RARB: variants seen among roughly 807,000 people sequenced by gnomAD.
RARB encodes the protein retinoic acid receptor beta, also known as HBV-activated protein.
A neutral mutation model predicts 51.9 loss-of-function variants in RARB; 17 were observed. The observed-to-expected ratio is 0.33, with a 90% CI of 0.22 to 0.49. The LOEUF (loss-of-function observed/expected upper bound fraction) is 0.49. Ranked by LOEUF, RARB falls within the 20% of genes least tolerant of loss-of-function variation. The pLI, the probability that RARB is intolerant of heterozygous loss-of-function variation, is 0.99. For missense variants in RARB, 369 were observed against 550.8 expected (o/e 0.67, Z 3.30); for synonymous variants, 215 against 195.4 (o/e 1.10, Z -0.84).
chr3:25,232,201 T>A (rs1702194506), intron 5 of RARB, among the ~76,000 whole-genome samples: 1 of 152,172 alleles, frequency 6.6e-6, no homozygotes, highest in South Asian at 2.1e-4. Flanking sequence ...TATGTGTTTA[T>A]CCTTTTACCA....
At chr3:25,010,386 A>G (rs1697368853) in intron 2 of RARB, among the ~76,000 whole-genome samples, 1 of 152,182 alleles carries the variant, frequency 6.6e-6, no homozygotes. Context: ...CATGCACAAA[A>G]TTGAAAAAAC....
At chr3:25,014,046 C>T (rs576228569) in intron 2 of RARB, among the ~76,000 whole-genome samples, 2 of 152,196 alleles carry the variant, frequency 1.3e-5, no homozygotes, top group East Asian at 1.9e-4. Flanking sequence ...ACTCATGTGA[C>T]AAGATGAGAG....
At chr3:25,449,238 G>A (rs1435487932) in intron 1 of RARB, among the ~76,000 whole-genome samples, 1 of 152,000 alleles carries the variant, frequency 6.6e-6, no homozygotes, top group African/African-American at 2.4e-5. Context: ...CTTGGTCTTA[G>A]CTGCTGCCAT....
chr3:25,392,477 T>G (rs1393714348), intron 5 of RARB, among the ~76,000 whole-genome samples: 2 of 152,124 alleles, frequency 1.3e-5, no homozygotes, highest in Admixed American at 6.6e-5. Context: ...AGATTGCTTT[T>G]GGCAGTATGG....
intron 5 of RARB, among the ~76,000 whole-genome samples, chr3:25,274,717 T>G (rs1269112628): frequency 4.6e-5 from 7 of 152,190 alleles, no homozygotes; most frequent in African/African-American, 1.7e-4. Flanking sequence ...TTGACTTTCT[T>G]CCGCATGTCC....
intron 2 of RARB, among the ~76,000 whole-genome samples, chr3:24,904,105 T>A (rs985510286): frequency 1.3e-5 from 2 of 152,296 alleles, no homozygotes; most frequent in African/African-American, 4.8e-5. Context: ...AAGAACAAAA[T>A]TGTCATATTC....
At chr3:25,566,836 T>G (rs1700513838) in intron 3 of RARB, among the ~76,000 whole-genome samples, 1 of 152,172 alleles carries the variant, frequency 6.6e-6, no homozygotes, top group Non-Finnish European at 1.5e-5. Flanking sequence ...TTTTGTGGTT[T>G]CTCTTTCTGC....
chr3:24,993,296 G>A (rs1696952976), intron 2 of RARB, among the ~76,000 whole-genome samples: 1 of 152,056 alleles, frequency 6.6e-6, no homozygotes, highest in Admixed American at 6.6e-5. Flanking sequence ...TATCATGCCA[G>A]AAGCATAGTT....
At chr3:24,940,685 T>C (rs963217472) in intron 2 of RARB, among the ~76,000 whole-genome samples, 1 of 152,090 alleles carries the variant, frequency 6.6e-6, no homozygotes, top group Non-Finnish European at 1.5e-5. Flanking sequence ...ACTTAGCACA[T>C]GCGGAGGGAA....
At chr3:24,912,195 G>A (rs1031299352) in intron 2 of RARB, among the ~76,000 whole-genome samples, 2 of 152,072 alleles carry the variant, frequency 1.3e-5, no homozygotes, top group Non-Finnish European at 2.9e-5. Flanking sequence ...GGGGAAATGT[G>A]GCTCCATGAT....
chr3:25,037,306 A>C (rs928940036), intron 2 of RARB, among the ~76,000 whole-genome samples: 3 of 151,880 alleles, frequency 2.0e-5, no homozygotes, highest in Non-Finnish European at 4.4e-5. Context: ...GTTTCAAAGA[A>C]GTTTTAGTCG....
chr3:25,582,259 A>T (rs1247500012), intron 5 of RARB, among the ~76,000 whole-genome samples: 2 of 152,192 alleles, frequency 1.3e-5, no homozygotes, highest in African/African-American at 4.8e-5. Flanking sequence ...TTAAAATGTA[A>T]CACTCAGTAG....
At position 25,501,191 on chromosome 3, in the gene RARB, C is replaced by G; in HGVS notation, c.316C>G (p.Arg106Gly). 6.4e-7 allele frequency: 1 copy of G among 1,570,516 alleles called. No individual in the cohort carries two copies. The highest frequency in any genetic ancestry group is 8.6e-7 in the Non-Finnish European group (1 of 1,165,384). ...TCTTGCTTGCTTGCAGGGCTTTTTC[C>G]GCAGAAGTATTCAGAAGAATATGAT... Reference protein sequence around the residue: ...SACEGCKGFFRRSIQKNMIYT... With the variant: ...SACEGCKGFFGRSIQKNMIYT... The change falls in exon 3 of 8, where the codon CGC becomes GGC. Residue 106 changes from arginine (R) to glycine (G), a missense_variant. Physicochemically the swap from Arg to Gly is moderately radical, Grantham distance 125. Transcript: ENST00000330688.
At chr3:25,312,993 G>T (rs898416144) in intron 5 of RARB, among the ~76,000 whole-genome samples, 1 of 152,208 alleles carries the variant, frequency 6.6e-6, no homozygotes. Context: ...GTGTCTTCAA[G>T]TCTGGAGGCA....
At chr3:25,510,885 T>C (rs2125620100) in intron 3 of RARB, among the ~76,000 whole-genome samples, 1 of 152,344 alleles carries the variant, frequency 6.6e-6, no homozygotes, top group East Asian at 1.9e-4. Flanking sequence ...TGCTAATCTG[T>C]CTTTTTAACA....
chr3:25,284,247 C>T (rs1290224440), intron 5 of RARB, among the ~76,000 whole-genome samples: 1 of 152,098 alleles, frequency 6.6e-6, no homozygotes, highest in Non-Finnish European at 1.5e-5. Context: ...CCCACTCAGG[C>T]CTGTAGATGA....
chr3:25,287,893 T>G (rs1703694285), intron 5 of RARB, among the ~76,000 whole-genome samples: 1 of 152,104 alleles, frequency 6.6e-6, no homozygotes, highest in Admixed American at 6.6e-5. Context: ...AGATCGACTG[T>G]GATCTTAAAC....
chr3:25,189,917 T>C (rs987840756), intron 5 of RARB, among the ~76,000 whole-genome samples: 45 of 152,148 alleles, frequency 3.0e-4, no homozygotes, highest in African/African-American at 7.7e-4. Flanking sequence ...AAATCCTTCA[T>C]TGGGGCCCAG....
chr3:25,505,596 C>T (rs1482234296), intron 3 of RARB, among the ~76,000 whole-genome samples: 1 of 149,148 alleles, frequency 6.7e-6, no homozygotes, highest in Non-Finnish European at 1.5e-5. Context: ...TTGTATTTTC[C>T]AAGGGCTTAT....
Sources: gnomAD v4.1 joint callset for allele counts (sites outside exome capture counted in the v4.1 genomes callset) on GRCh38, gnomAD v4.1.1 for gene constraint, MANE v1.5 for transcripts, NCBI Gene and HGNC (gene_info 2026-07-23, HGNC 2026-07-21) for gene names.